Variants in INPP5D observed in about 807,000 individuals in gnomAD.
INPP5D encodes the protein phosphatidylinositol 3,4,5-trisphosphate 5-phosphatase 1.
Under a neutral mutation model 122.9 loss-of-function variants are expected in INPP5D, and 33 were observed. The ratio of observed to expected loss-of-function variants is 0.27; its 90% CI spans 0.20 to 0.36. The LOEUF is 0.36. INPP5D is among the 10% of genes least tolerant of loss of function. The probability of loss-of-function intolerance (pLI) is 1.00; values close to 1 mark genes in which losing one functional copy is unlikely to be tolerated. For missense variants in INPP5D, 1,053 were observed against 1,412.7 expected, an observed-to-expected ratio of 0.75 and a Z score of 4.08; for synonymous variants, 584 against 576.2, an observed-to-expected ratio of 1.01 and a Z score of -0.19.
In INPP5D at chr2:233,206,633, G is replaced by T; in HGVS notation, c.3568-73G>T. On this transcript the variant is annotated intron_variant, in intron 26 of 26. Coordinates refer to ENST00000445964, the MANE Select transcript of INPP5D (RefSeq NM_001017915.3). The surrounding 1 kb of genome is among the most constrained non-coding windows in gnomAD (Gnocchi z 4.0). ...GCCTGGCCTAGCCCACAGCATGCAG[G>T]GACCTGGGCCACTTAGTTCAACATG... 1.4e-6 allele frequency: 1 copy of T among 736,166 alleles called. No homozygotes were observed. The highest frequency in any genetic ancestry group is 1.5e-5 in the South Asian group (1 of 68,726). 45.6% of individuals were successfully genotyped at this position (736,166 alleles called of 1,614,324 possible).
intron 2 of INPP5D, among the ~76,000 whole-genome samples, chr2:233,091,388 G>A (rs189492901): frequency 3.7e-3 from 569 of 152,334 alleles, no homozygotes; most frequent in Middle Eastern, 0.014. Context: ...GTGCAGGCCA[G>A]AAGTCCAGAA....
chr2:233,145,766 TGGA>T (rs1210912644), intron 6 of INPP5D, among the ~76,000 whole-genome samples: 1 of 151,982 alleles, frequency 6.6e-6, no homozygotes. Flanking sequence ...CTCCTCTACG[TGGA>T]GAAGAACTGT....
chr2:233,137,551 G>A (rs916482319), intron 5 of INPP5D, among the ~76,000 whole-genome samples: 6 of 150,538 alleles, frequency 4.0e-5, no homozygotes, highest in African/African-American at 7.3e-5. Flanking sequence ...TGCCTCCTGG[G>A]TTCAAGCTAT....
chr2:233,085,204 G>A (rs1365477737), intron 2 of INPP5D, among the ~76,000 whole-genome samples: 1 of 151,996 alleles, frequency 6.6e-6, no homozygotes, highest in Non-Finnish European at 1.5e-5. Flanking sequence ...TGGGCAACAT[G>A]GTGAAACCCC....
In INPP5D at chr2:233,186,684, C is replaced by CTTTTTTTTTTTTTTTTTTTTTTTTT. The variant is rs144243823; in HGVS notation, c.2358+791_2358+815dup. Among the ~76,000 whole-genome samples the CTTTTTTTTTTTTTTTTTTTTTTTTT allele has an allele frequency of 2.0e-4, 9 of 44,534 alleles. 1 individual carries two copies. Among genetic ancestry groups the CTTTTTTTTTTTTTTTTTTTTTTTTT allele is most frequent in the Admixed American group, 3.0e-4 (1 of 3,374 alleles). The allele number at this position is 44,534 out of a possible 152,430, so 29.2% of individuals were successfully genotyped here. On this transcript the variant is annotated intron_variant, in intron 21 of 26. Transcript: ENST00000445964. ...CTTGTTTTTTTTTCTTTTTCTCTTT[C>CTTTTTTTTTTTTTTTTTTTTTTTTT]TTTTTTTTTTTTTTTTTTTTTTTTT...
chr2:233,175,866 G>C (rs1694611265), intron 17 of INPP5D, among the ~76,000 whole-genome samples: 1 of 152,074 alleles, frequency 6.6e-6, no homozygotes, highest in Admixed American at 6.5e-5. Flanking sequence ...ATTTTTAGCA[G>C]AGATGGGGTT....
At chr2:233,106,180 A>G (rs895419516) in intron 2 of INPP5D, among the ~76,000 whole-genome samples, 1 of 152,034 alleles carries the variant, frequency 6.6e-6, no homozygotes, top group Non-Finnish European at 1.5e-5. Context: ...CTCAAATCTC[A>G]ATACTTAATG....
intron 5 of INPP5D, among the ~76,000 whole-genome samples, chr2:233,137,902 A>T: frequency 1.8e-5 from 1 of 56,348 alleles, no homozygotes; most frequent in Non-Finnish European, 5.2e-5. Context: ...ATATATACAC[A>T]CACACACACA....
chr2:233,150,397 C>T (rs1693891791), intron 9 of INPP5D, among the ~76,000 whole-genome samples: 1 of 152,126 alleles, frequency 6.6e-6, no homozygotes, highest in Non-Finnish European at 1.5e-5. Context: ...GTGAGGCCTC[C>T]CCAGCCATGT....
At chr2:233,149,023 G>A (rs1451295474) in intron 9 of INPP5D, among the ~76,000 whole-genome samples, 1 of 150,790 alleles carries the variant, frequency 6.6e-6, no homozygotes, top group African/African-American at 2.4e-5. Flanking sequence ...ATGCAACAAT[G>A]ATTCACAGTT....
At chr2:233,138,725 T>A (rs2106272102) in intron 5 of INPP5D, among the ~76,000 whole-genome samples, 1 of 141,788 alleles carries the variant, frequency 7.1e-6, no homozygotes, top group South Asian at 2.2e-4. Flanking sequence ...GCAGGTTTTA[T>A]TTATTTTATT....
At chr2:233,127,416 G>C (rs144992531) in intron 4 of INPP5D, among the ~76,000 whole-genome samples, 1 of 152,130 alleles carries the variant, frequency 6.6e-6, no homozygotes, top group Non-Finnish European at 1.5e-5. Flanking sequence ...AGTCTATTTC[G>C]CTTGTCAAGC....
rs1301596470 is a variant in INPP5D at position 233,189,085 on chromosome 2, G to A, written c.2359-765G>A. ...TGGCAGACGAGGAGCTAGTGTGCGT[G>A]TGATGCTCCTCCCTGCACTTGCCCG... is the stretch of plus-strand genomic sequence containing the variant. On this transcript the variant is annotated intron_variant, in intron 21 of 26. Coordinates refer to ENST00000445964, the MANE Select transcript of INPP5D (RefSeq NM_001017915.3). This position sits in a 1 kb window ranked among gnomAD's most constrained non-coding sequence, Gnocchi z 5.6. 1.3e-5 allele frequency among the ~76,000 whole-genome samples: 2 copies of A among 152,230 alleles called. No homozygotes were observed. The highest frequency in any genetic ancestry group is 6.5e-5 in the Admixed American group (1 of 15,288).
At chr2:233,190,260 G>A (rs1160839536) in intron 22 of INPP5D, among the ~76,000 whole-genome samples, 5 of 152,202 alleles carry the variant, frequency 3.3e-5, no homozygotes, top group Non-Finnish European at 7.3e-5. Context: ...CAGAGGCTCA[G>A]AAAGATCAAG....
At chr2:233,107,796 C>T (rs1692506697) in intron 2 of INPP5D, among the ~76,000 whole-genome samples, 1 of 152,060 alleles carries the variant, frequency 6.6e-6, no homozygotes, top group Non-Finnish European at 1.5e-5. Context: ...CCCTGCTGGC[C>T]CCAGCTGGCG....
intron 1 of INPP5D, among the ~76,000 whole-genome samples, chr2:233,073,978 A>G (rs1230071909): frequency 6.6e-6 from 1 of 152,218 alleles, no homozygotes; most frequent in Non-Finnish European, 1.5e-5. Context: ...TGAGTTCACA[A>G]ATCAGACTTG....
intron 6 of INPP5D, among the ~76,000 whole-genome samples, chr2:233,144,313 C>G (rs1186043238): frequency 5.3e-5 from 5 of 94,180 alleles, no homozygotes; most frequent in East Asian, 7.3e-4. Context: ...TAGTGGAGGT[C>G]GTCATGATTA....
intron 2 of INPP5D, among the ~76,000 whole-genome samples, chr2:233,102,594 A>T (rs1692343862): frequency 6.6e-6 from 1 of 152,170 alleles, no homozygotes; most frequent in Non-Finnish European, 1.5e-5. Flanking sequence ...CACGCCTGTA[A>T]TCCCAGCACT....
At chr2:233,173,587 T>C (rs985842597) in intron 17 of INPP5D, among the ~76,000 whole-genome samples, 1 of 152,198 alleles carries the variant, frequency 6.6e-6, no homozygotes, top group African/African-American at 2.4e-5. Context: ...TAAGCTTTTT[T>C]TCAAGTTTTA....
Sources: allele counts gnomAD v4.1 joint callset (sites outside exome capture counted in the v4.1 genomes callset), GRCh38; gene constraint gnomAD v4.1.1; non-coding constraint Gnocchi (gnomAD v3.1); transcripts MANE v1.5; gene names NCBI Gene and HGNC (gene_info 2026-07-23, HGNC 2026-07-21).